RFFL: variants seen among roughly 807,000 people sequenced by gnomAD.
RFFL encodes E3 ubiquitin-protein ligase rififylin.
A neutral mutation model predicts 40.4 loss-of-function variants in RFFL; 16 were observed. That is an observed-to-expected ratio of 0.40 (90% CI 0.27 to 0.60). The LOEUF (loss-of-function observed/expected upper bound fraction) is 0.60, where lower values mean the gene tolerates loss of function less well. Among genes scored for constraint, RFFL ranks in the 20% least tolerant of loss-of-function variants. The pLI is 0.47. For synonymous variants in RFFL, 154 were observed against 167.9 expected (o/e 0.92, Z 0.64); for missense variants, 367 against 451.7 (o/e 0.81, Z 1.70).
chr17:35,011,967 C>G lies in RFFL; in HGVS notation c.*1G>C, dbSNP rs1287121360. 6.2e-7 allele frequency: 1 copy of G among 1,613,860 alleles called. No homozygotes were observed. The highest frequency in any genetic ancestry group is 1.7e-5 in the Admixed American group (1 of 60,018). ...GGCACTGAAGAAACCGATGCAAGCT[C>G]TCAGGACCGGAAGACATGCACAGCT... is the stretch of plus-strand genomic sequence containing the variant. On this transcript the variant is annotated 3_prime_UTR_variant, in exon 7 of 7. Coordinates refer to ENST00000394597, the MANE Select transcript of RFFL (RefSeq NM_001017368.2).
At chr17:35,025,108 T>TC (rs1174492338) in intron 2 of RFFL, 2 of 152,210 alleles carry the variant, frequency 1.3e-5, no homozygotes, top group Non-Finnish European at 2.9e-5. Flanking sequence ...CATCTCTGCC[T>TC]CCCTAGCCCA....
chr17:35,023,396 G>A (rs112971840), intron 2 of RFFL, among the ~76,000 whole-genome samples: 10 of 152,288 alleles, frequency 6.6e-5, no homozygotes, highest in African/African-American at 1.4e-4. Context: ...AGACTTAGAA[G>A]GCATTGCAAA....
intron 1 of RFFL, among the ~76,000 whole-genome samples, chr17:35,045,462 G>A (rs1047721627): frequency 5.3e-5 from 8 of 151,190 alleles, no homozygotes; most frequent in African/African-American, 1.9e-4. Flanking sequence ...TTGAACTCCT[G>A]ACCTCAAGTG....
At chr17:35,063,325 C>T (rs2091304132) in intron 1 of RFFL, among the ~76,000 whole-genome samples, 1 of 151,638 alleles carries the variant, frequency 6.6e-6, no homozygotes, top group South Asian at 2.1e-4. Context: ...CATGGTGGCG[C>T]ACATCTATAA....
In RFFL at chr17:35,053,321, G is replaced by A. The variant is rs73989538; in HGVS notation, c.-9+10255C>T. On this transcript the variant is annotated intron_variant, in intron 1 of 6. Transcript: ENST00000394597. Reference sequence around the variant, plus strand: ...GGCTTGGATGACTATATTAATACACGGGTATTTAAACAAAGAATGTGACCA... The same window carrying A: ...GGCTTGGATGACTATATTAATACACAGGTATTTAAACAAAGAATGTGACCA... 5.8e-3 allele frequency among the ~76,000 whole-genome samples: 890 copies of A among 152,186 alleles called. 8 individuals are homozygous for A. Among genetic ancestry groups the A allele is most frequent in the African/African-American group, 0.02 (843 of 41,520 alleles).
In RFFL at chr17:35,009,289, C is replaced by G. The variant is rs1018735648; in HGVS notation, c.*2679G>C. ...AAATTTATACAATGTATATTGAGCA[C>G]TAGTTCCTGTACAGCTTATTCTTAT... On this transcript the variant is annotated 3_prime_UTR_variant, in exon 7 of 7. Transcript: ENST00000394597. 4 of 152,436 alleles carry G rather than the reference C, an allele frequency of 2.6e-5. No homozygotes were observed. The highest frequency in any genetic ancestry group is 9.7e-5 in the African/African-American group (4 of 41,438). The allele number at this position is 152,436 out of a possible 1,614,324, so 9.4% of individuals were successfully genotyped here.
chr17:35,068,702 G>C (rs1179643746), upstream of RFFL, among the ~76,000 whole-genome samples: 1 of 152,210 alleles, frequency 6.6e-6, no homozygotes, highest in Admixed American at 6.5e-5. Flanking sequence ...TGAAATACTA[G>C]GTTCCTGTAT....
At chr17:35,037,415 T>A (rs2142340500) in intron 1 of RFFL, among the ~76,000 whole-genome samples, 1 of 152,324 alleles carries the variant, frequency 6.6e-6, no homozygotes, top group African/African-American at 2.4e-5. Context: ...TTGCAATGGT[T>A]TTGAAAGGAA....
At chr17:35,018,199 C>T (rs929999683) in intron 3 of RFFL, among the ~76,000 whole-genome samples, 4 of 152,312 alleles carry the variant, frequency 2.6e-5, no homozygotes, top group South Asian at 4.1e-4. Flanking sequence ...AGTAACTACT[C>T]TCACATTCTG....
chr17:35,045,835 C>T (rs905690819), intron 1 of RFFL, among the ~76,000 whole-genome samples: 1 of 151,884 alleles, frequency 6.6e-6, no homozygotes, highest in Non-Finnish European at 1.5e-5. Context: ...ACCAGCCTGG[C>T]CAACATGGCA....
At chr17:35,014,592 G>A (rs2090961687) in intron 6 of RFFL, 148 bp downstream of exon 6, 1 of 735,434 alleles carries the variant, frequency 1.4e-6, no homozygotes, top group East Asian at 2.5e-5. Context: ...GATGGTGAGA[G>A]GCCCCCTGGG....
intron 1 of RFFL, among the ~76,000 whole-genome samples, chr17:35,085,561 C>A (rs1203018299): frequency 1.3e-5 from 2 of 152,120 alleles, no homozygotes; most frequent in Non-Finnish European, 2.9e-5. Context: ...TCTCAAGTAG[C>A]TGGAATTACA....
rs1597812223 is a variant in RFFL at position 35,016,663 on chromosome 17, A to G, written c.676-83T>C. On this transcript the variant is annotated intron_variant, in intron 4 of 6. Transcript: ENST00000394597. ...CCAAGGACCCCAAAGCAGTCACCACATCATAATTTTGGTGACTGACCTCAT... is the reference window on the plus strand; with the variant it reads ...CCAAGGACCCCAAAGCAGTCACCACGTCATAATTTTGGTGACTGACCTCAT... 13 of 1,146,012 alleles carry G rather than the reference A, an allele frequency of 1.1e-5. No homozygotes were observed. The East Asian group carries it at 3.1e-4, about 27-fold the overall frequency. 71.0% of individuals were successfully genotyped at this position (1,146,012 alleles called of 1,614,324 possible).
intron 1 of RFFL, among the ~76,000 whole-genome samples, chr17:35,081,004 A>C (rs2091401037): frequency 1.3e-5 from 2 of 152,252 alleles, no homozygotes; most frequent in Non-Finnish European, 2.9e-5. Flanking sequence ...CATACACTGA[A>C]GTGTGCTCAA....
intron 1 of RFFL, among the ~76,000 whole-genome samples, chr17:35,047,539 G>A (rs1428275740): frequency 6.6e-6 from 1 of 152,110 alleles, no homozygotes; most frequent in Non-Finnish European, 1.5e-5. Flanking sequence ...TGTTTTTGTT[G>A]TTGTTGTTGT....
At chr17:35,022,617 C>CGA (rs2091016487) in intron 2 of RFFL, among the ~76,000 whole-genome samples, 1 of 152,200 alleles carries the variant, frequency 6.6e-6, no homozygotes, top group Non-Finnish European at 1.5e-5. Flanking sequence ...CCCATGATCA[C>CGA]ATTCTTTCCA....
At chr17:35,062,671 G>A (rs943600250) in intron 1 of RFFL, among the ~76,000 whole-genome samples, 3 of 152,198 alleles carry the variant, frequency 2.0e-5, no homozygotes, top group Non-Finnish European at 4.4e-5. Flanking sequence ...TGGGGAAGGT[G>A]TGTAAAAGAA....
At chr17:35,021,926 T>C in intron 2 of RFFL, 145 bp from the exon 3 acceptor site, 1 of 767,786 alleles carries the variant, frequency 1.3e-6, no homozygotes, top group Non-Finnish European at 2.1e-6. Context: ...TATCTAAGGG[T>C]GCAAGCCACT....
rs559032314 is a variant in RFFL, at chr17:35,012,332, G to T, written c.911-183C>A. Among the ~76,000 whole-genome samples the T allele has an allele frequency of 1.4e-4, 21 of 152,258 alleles. 1 individual carries two copies. In the South Asian group the frequency reaches 4.4e-3, roughly 32 times the overall value. Reference sequence around the variant, plus strand: ...AACATTTCCTCAATAACCAACTCTGGTTACTTGTTTAATCCACACTTCATC... The same window carrying T: ...AACATTTCCTCAATAACCAACTCTGTTTACTTGTTTAATCCACACTTCATC... On this transcript the variant is annotated intron_variant, in intron 6 of 6. Transcript: ENST00000394597.
Sources: gnomAD v4.1 joint callset for allele counts (sites outside exome capture counted in the v4.1 genomes callset) on GRCh38, gnomAD v4.1.1 for gene constraint, MANE v1.5 for transcripts, NCBI Gene and HGNC (gene_info 2026-07-23, HGNC 2026-07-21) for gene names.